Variants in ATXN3 observed in about 807,000 individuals in gnomAD.
ATXN3 encodes ataxin-3.
Under a neutral mutation model 58.2 loss-of-function variants are expected in ATXN3, and 28 were observed. The ratio of observed to expected loss-of-function variants is 0.48; its 90% CI spans 0.36 to 0.66. The LOEUF (loss-of-function observed/expected upper bound fraction) is 0.66. ATXN3 is among the 30% of genes least tolerant of loss of function. The probability of loss-of-function intolerance (pLI) is 0.00; values close to 1 mark genes in which losing one functional copy is unlikely to be tolerated. For missense variants in ATXN3, 321 were observed against 422.1 expected, an observed-to-expected ratio of 0.76 and a Z score of 2.10; for synonymous variants, 113 against 138.5, an observed-to-expected ratio of 0.82 and a Z score of 1.29.
chr14:92,096,366 T>C, intron 2 of ATXN3: 2 of 1,341,334 alleles, frequency 1.5e-6, no homozygotes, highest in Middle Eastern at 2.7e-4. Context: ...GGCTCACACC[T>C]ATAATCCCAG....
chr14:92,054,968 G>A (rs186454616), downstream of ATXN3, among the ~76,000 whole-genome samples: 2 of 152,090 alleles, frequency 1.3e-5, no homozygotes, highest in Non-Finnish European at 2.9e-5. Flanking sequence ...TGCAACCTCC[G>A]CCTCCCGGGT....
At chr14:92,049,392 GGCAGTCGTCCCT>G (rs2057440254) in intron 1 of ATXN3, among the ~76,000 whole-genome samples, 1 of 152,158 alleles carries the variant, frequency 6.6e-6, no homozygotes, top group African/African-American at 2.4e-5. Context: ...TGAATAATCA[GGCAGTCGTCCCT>G]GCAGTGATTA....
chr14:92,052,010 C>T (rs145744343), upstream of ATXN3, among the ~76,000 whole-genome samples: 1,565 of 151,642 alleles, frequency 0.01, 18 homozygotes, highest in Non-Finnish European at 0.016. Flanking sequence ...TGTGAGCCAC[C>T]GCACCCAGCC....
chr14:92,080,772 G>A (rs1393232836), intron 9 of ATXN3, 193 bp downstream of exon 9: 4 of 568,602 alleles, frequency 7.0e-6, no homozygotes, highest in South Asian at 3.1e-5. Flanking sequence ...CTGACCTCAG[G>A]CAATCTGCCC....
intron 9 of ATXN3, among the ~76,000 whole-genome samples, chr14:92,072,707 A>G (rs548060993): frequency 6.6e-6 from 1 of 151,274 alleles, no homozygotes; most frequent in South Asian, 2.1e-4. Flanking sequence ...AAAAAAAAAA[A>G]AAAAAAAAAA....
At chr14:92,097,712 C>A (rs1220791163) in intron 1 of ATXN3, among the ~76,000 whole-genome samples, 2 of 151,336 alleles carry the variant, frequency 1.3e-5, no homozygotes, top group African/African-American at 2.4e-5. Context: ...TTTTTAGTAG[C>A]GATACGGTTT....
chr14:92,057,271 C>G (rs1566885838), downstream of ATXN3, among the ~76,000 whole-genome samples: 1 of 152,146 alleles, frequency 6.6e-6, no homozygotes, highest in Non-Finnish European at 1.5e-5. Context: ...CAAAAATTAG[C>G]TGGGCGTGGT....
chr14:92,101,874 G>C (rs531512266), intron 1 of ATXN3, among the ~76,000 whole-genome samples: 1 of 149,914 alleles, frequency 6.7e-6, no homozygotes, highest in Non-Finnish European at 1.5e-5. Flanking sequence ...TAAAAAATAG[G>C]CTGGGCGTGG....
chr14:92,098,152 T>A (rs2065863617), intron 1 of ATXN3, among the ~76,000 whole-genome samples: 1 of 151,998 alleles, frequency 6.6e-6, no homozygotes. Context: ...TTTATTTATT[T>A]AAAAAAAGAG....
chr14:92,076,937 C>T (rs56143352), intron 9 of ATXN3, among the ~76,000 whole-genome samples: 16,084 of 75,132 alleles, frequency 0.21, 1,068 homozygotes, highest in African/African-American at 0.33. Flanking sequence ...GAGATTTCGT[C>T]TCAAAAAAAA....
At chr14:92,106,339 G>A (rs1317910371) in intron 1 of ATXN3, among the ~76,000 whole-genome samples, 190 bp downstream of exon 1, 1 of 151,848 alleles carries the variant, frequency 6.6e-6, no homozygotes, top group Non-Finnish European at 1.5e-5. Flanking sequence ...GGGCCGCGGG[G>A]GAAGTAGGGG....
intron 8 of ATXN3, among the ~76,000 whole-genome samples, chr14:92,081,987 T>C (rs2061557022): frequency 6.6e-6 from 1 of 152,240 alleles, no homozygotes; most frequent in Non-Finnish European, 1.5e-5. Context: ...GGCACATATT[T>C]ATGTAACAGC....
chr14:92,105,720 A>G (rs1025356768), intron 1 of ATXN3, among the ~76,000 whole-genome samples: 2 of 152,218 alleles, frequency 1.3e-5, no homozygotes, highest in African/African-American at 4.8e-5. Flanking sequence ...GTTTCTTTAC[A>G]TATCACAAAC....
At chr14:92,105,444 T>C (rs1478854846) in intron 1 of ATXN3, among the ~76,000 whole-genome samples, 1 of 152,226 alleles carries the variant, frequency 6.6e-6, no homozygotes, top group East Asian at 1.9e-4. Context: ...AAATTTATGC[T>C]ACAGATTTAC....
chr14:92,105,419 A>G (rs555060450), intron 1 of ATXN3, among the ~76,000 whole-genome samples: 5 of 152,330 alleles, frequency 3.3e-5, no homozygotes, highest in Non-Finnish European at 5.9e-5. Flanking sequence ...CCATCTTTAA[A>G]ATAAAAATTA....
chr14:92,064,511 CGA>C (rs1400440131), intron 10 of ATXN3, 97 bp from the exon 11 acceptor site: 5 of 911,242 alleles, frequency 5.5e-6, no homozygotes, highest in African/African-American at 3.4e-5. Flanking sequence ...TATTTGAGCA[CGA>C]GTTTCTTTTT....
intron 6 of ATXN3, among the ~76,000 whole-genome samples, chr14:92,084,988 T>G (rs767292810): frequency 5.3e-5 from 8 of 152,200 alleles, no homozygotes; most frequent in Non-Finnish European, 1.0e-4. Context: ...AATAGTATGT[T>G]GAACATTTTT....
rs2140197893 is a variant in ATXN3 at position 92,061,528 on chromosome 14, C to CT, written c.*2791dup. 1.3e-5 allele frequency: 2 copies of CT among 152,284 alleles called. No individual in the cohort carries two copies. Among genetic ancestry groups the CT allele is most frequent in the African/African-American group, 4.8e-5 (2 of 41,574 alleles). The allele number at this position is 152,284 out of a possible 1,614,324, so 9.4% of individuals were successfully genotyped here. ...TCTACTAGCATCACCACTGTACATACTTGATCCCAGTAATACAAATTATAC... is the reference window on the plus strand; with the variant it reads ...TCTACTAGCATCACCACTGTACATACTTTGATCCCAGTAATACAAATTATAC... On this transcript the variant is annotated 3_prime_UTR_variant, in exon 11 of 11. Coordinates refer to ENST00000644486, the MANE Select transcript of ATXN3 (RefSeq NM_004993.6).
At chr14:92,090,121 A>AT (rs1307598898) in intron 5 of ATXN3, among the ~76,000 whole-genome samples, 2 of 152,108 alleles carry the variant, frequency 1.3e-5, no homozygotes, top group Non-Finnish European at 2.9e-5. Context: ...ATATAAACAC[A>AT]TTTTTTTAAA....
Sources: gnomAD v4.1 joint callset for allele counts (sites outside exome capture counted in the v4.1 genomes callset) on GRCh38, gnomAD v4.1.1 for gene constraint, MANE v1.5 for transcripts, NCBI Gene and HGNC (gene_info 2026-07-23, HGNC 2026-07-21) for gene names.